EIF3E: variants seen among roughly 807,000 people sequenced by gnomAD.
EIF3E encodes the protein eukaryotic translation initiation factor 3 subunit E.
In EIF3E, 25 loss-of-function variants were observed where a neutral mutation model predicts 59.3. The ratio of observed to expected loss-of-function variants is 0.42; its 90% CI spans 0.31 to 0.59. The LOEUF is 0.59. EIF3E is among the 20% of genes least tolerant of loss of function. The pLI is 0.15. For missense variants in EIF3E, 317 were observed against 534.3 expected (o/e 0.59, Z 4.01); for synonymous variants, 176 against 170.2 (o/e 1.03, Z -0.26).
At chr8:108,207,883 TTCCAGG>T (rs1441338194) in intron 10 of EIF3E, among the ~76,000 whole-genome samples, 1 of 152,156 alleles carries the variant, frequency 6.6e-6, no homozygotes, top group Admixed American at 6.5e-5. Context: ...AATACTTTGT[TTCCAGG>T]AAGTAAAAAA....
chr8:108,218,734 TCTTA>T (rs1380976585), intron 7 of EIF3E, among the ~76,000 whole-genome samples: 2 of 152,006 alleles, frequency 1.3e-5, no homozygotes, highest in African/African-American at 2.4e-5. Flanking sequence ...TGATTGTTTC[TCTTA>T]CTATCAGTTT....
chr8:108,222,832 T>G (rs1024908531), intron 7 of EIF3E, among the ~76,000 whole-genome samples: 2 of 141,482 alleles, frequency 1.4e-5, no homozygotes, highest in African/African-American at 2.9e-5. Flanking sequence ...TTCTTAGTTT[T>G]TTTTTTTTTT....
chr8:108,231,156 T>C (rs906723255), intron 5 of EIF3E, among the ~76,000 whole-genome samples: 1 of 152,180 alleles, frequency 6.6e-6, no homozygotes, highest in African/African-American at 2.4e-5. Context: ...TCAAAATCCA[T>C]AAAATAATTG....
At chr8:108,219,291 CTG>C (rs1239092011) in intron 7 of EIF3E, among the ~76,000 whole-genome samples, 1 of 152,042 alleles carries the variant, frequency 6.6e-6, no homozygotes, top group Non-Finnish European at 1.5e-5. Flanking sequence ...CTCTTTGTTT[CTG>C]TGAGTGTATT....
chr8:108,218,978 G>T (rs1350380174), intron 7 of EIF3E, among the ~76,000 whole-genome samples: 1 of 151,758 alleles, frequency 6.6e-6, no homozygotes, highest in Non-Finnish European at 1.5e-5. Flanking sequence ...TAGAGATGGG[G>T]TTTCACCGTG....
At chr8:108,234,853 TTTTC>T (rs1400002493) in intron 5 of EIF3E, 141 bp downstream of exon 5, 3 of 430,092 alleles carry the variant, frequency 7.0e-6, no homozygotes, top group Non-Finnish European at 1.2e-5. Flanking sequence ...AGTGGGAGGG[TTTTC>T]TTTACTTTTT....
At chr8:108,247,516 C>CAACTTTAGAGTTGTCTAAA (rs1815971022) in intron 1 of EIF3E, among the ~76,000 whole-genome samples, 1 of 152,156 alleles carries the variant, frequency 6.6e-6, no homozygotes, top group South Asian at 2.1e-4. Flanking sequence ...CGTTACCTAA[C>CAACTTTAGAGTTGTCTAAA]GTCAACAACT....
Position 108,242,286 on chromosome 8 carries a change from C to T in EIF3E, c.91-373G>A, listed in dbSNP as rs1316699024. 4.6e-6 allele frequency: 6 copies of T among 1,290,934 alleles called. No individual in the cohort carries two copies. In the Admixed American group the frequency reaches 1.4e-4, roughly 30 times the overall value. The allele number at this position is 1,290,934 out of a possible 1,614,324, so 80.0% of individuals were successfully genotyped here. On this transcript the variant is annotated intron_variant, in intron 1 of 12. Transcript: ENST00000220849. ...AAAGCACATATAGCTGTCACTTCTCCACATCCAGGTAATCAGTAATAAACT... is the reference window on the plus strand; with the variant it reads ...AAAGCACATATAGCTGTCACTTCTCTACATCCAGGTAATCAGTAATAAACT...
intron 11 of EIF3E, 138 bp downstream of exon 11, chr8:108,203,263 C>T (rs1290111090): frequency 8.0e-7 from 1 of 1,256,452 alleles, no homozygotes; most frequent in African/African-American, 1.5e-5. Context: ...AAATAGGAGG[C>T]TTCTGTTGCC....
intron 1 of EIF3E, 46 bp downstream of exon 1, chr8:108,248,567 A>C: frequency 6.3e-7 from 1 of 1,598,556 alleles, no homozygotes; most frequent in South Asian, 1.1e-5. Flanking sequence ...CTTGCTCAGC[A>C]CCTCATCCGC....
At chr8:108,231,702 CA>C (rs772030312) in intron 5 of EIF3E, 1 of 152,038 alleles carries the variant, frequency 6.6e-6, no homozygotes. Context: ...ACTGTTAAAG[CA>C]AAAGTGTTCA....
chr8:108,245,231 C>A (rs1815924960), intron 1 of EIF3E, among the ~76,000 whole-genome samples: 1 of 151,900 alleles, frequency 6.6e-6, no homozygotes, highest in African/African-American at 2.4e-5. Context: ...CTTTGCGAGG[C>A]CAAGGTGGCA....
Position 108,240,091 on chromosome 8 carries a change from G to C in EIF3E, c.206-16C>G. 6.3e-7 allele frequency: 1 copy of C among 1,576,966 alleles called. No individual in the cohort carries two copies. The highest frequency in any genetic ancestry group is 8.7e-7 in the Non-Finnish European group (1 of 1,146,248). ...TCTCTCAAAGCTAATTAAAAATGCA[G>C]AAGAGCACTACAATGTTAAGGAATG... is the stretch of plus-strand genomic sequence containing the variant. On this transcript the variant is annotated splice_polypyrimidine_tract_variant and intron_variant, in intron 2 of 12. Transcript: ENST00000220849.
At chr8:108,236,266 C>G (rs933560284) in intron 3 of EIF3E, 63 bp from the exon 4 acceptor site, 6 of 1,335,854 alleles carry the variant, frequency 4.5e-6, no homozygotes, top group Non-Finnish European at 6.3e-6. Context: ...ATAAGCATAT[C>G]CAACTTCTAA....
intron 10 of EIF3E, among the ~76,000 whole-genome samples, chr8:108,207,661 A>C (rs1458965408): frequency 6.6e-6 from 1 of 152,208 alleles, no homozygotes; most frequent in African/African-American, 2.4e-5. Context: ...CTTAAGGTAG[A>C]TACTTAAATA....
At chr8:108,241,746 T>C in intron 2 of EIF3E, 53 bp downstream of exon 2, 2 of 1,096,900 alleles carry the variant, frequency 1.8e-6, no homozygotes, top group Non-Finnish European at 2.6e-6. Context: ...AAAACTTTAA[T>C]ACACACATCC....
At chr8:108,225,378 G>A (rs1815499449) in intron 7 of EIF3E, among the ~76,000 whole-genome samples, 1 of 151,316 alleles carries the variant, frequency 6.6e-6, no homozygotes. Flanking sequence ...TGGTTTTTCT[G>A]GTGTTGTATA....
At chr8:108,231,920 T>C (rs919429920) in intron 5 of EIF3E, 1 of 151,974 alleles carries the variant, frequency 6.6e-6, no homozygotes, top group Non-Finnish European at 1.5e-5. Flanking sequence ...CAATAGGTCA[T>C]TTGGAGAGTC....
intron 7 of EIF3E, among the ~76,000 whole-genome samples, chr8:108,221,152 C>T (rs73306512): frequency 0.03 from 4,620 of 152,190 alleles, 211 homozygotes; most frequent in African/African-American, 0.097. Context: ...AAGAACCCCT[C>T]AGACACTTAA....
Sources: allele counts gnomAD v4.1 joint callset (sites outside exome capture counted in the v4.1 genomes callset), GRCh38; gene constraint gnomAD v4.1.1; transcripts MANE v1.5; gene names NCBI Gene and HGNC (gene_info 2026-07-23, HGNC 2026-07-21).